Variants in MACF1 observed in about 807,000 individuals in gnomAD.
MACF1 encodes microtubule-actin cross-linking factor 1.
A neutral mutation model predicts 854.8 loss-of-function variants in MACF1; 193 were observed. The ratio of observed to expected loss-of-function variants is 0.23; its 90% CI spans 0.20 to 0.25. The LOEUF (loss-of-function observed/expected upper bound fraction) is 0.25, where lower values mean the gene tolerates loss of function less well. MACF1 is among the 10% of genes least tolerant of loss of function. MACF1 has a pLI of 1.00. For synonymous variants in MACF1, 3,185 were observed against 3,226.7 expected (o/e 0.99, Z 0.44); for missense variants, 7,722 against 8,929.1 (o/e 0.86, Z 5.45).
intron 84 of MACF1, among the ~76,000 whole-genome samples, chr1:39,449,145 C>G (rs1434501124): frequency 6.6e-6 from 1 of 152,160 alleles, no homozygotes; most frequent in Non-Finnish European, 1.5e-5. Context: ...GCAATTACTA[C>G]TGAATATGTA....
rs779023310 is a variant in MACF1, at chr1:39,430,828, A to G, written c.17257A>G (p.Asn5753Asp). The change falls in exon 66 of 101, where the codon AAC becomes GAC. Residue 5753 changes from asparagine to aspartate, a missense_variant. This residue lies in a region of MACF1 where 2,807 missense variants were observed against 3,235.8 expected (regional missense o/e 0.87). Coordinates refer to ENST00000564288, the MANE Select transcript of MACF1 (RefSeq NM_001394062.1). ...EGLDKLVSDA[N>D]EQYKLVSDTI... ...GCTGGATAAACTTGTGTCCGATGCT[A>G]ACGAGCAGTACAAACTAGTCAGTGA... 4.3e-6 allele frequency: 7 copies of G among 1,612,676 alleles called. No homozygotes were observed. The African/African-American group carries it at 6.7e-5, about 15-fold the overall frequency.
At chr1:39,154,123 A>G (rs1643636373) in intron 2 of MACF1, 1 of 152,202 alleles carries the variant, frequency 6.6e-6, no homozygotes, top group Non-Finnish European at 1.5e-5. Context: ...GTTTGTCTGA[A>G]GAGTGAGCAG....
chr1:39,300,171 C>T (rs1646010881), intron 21 of MACF1, 39 bp from the exon 22 acceptor site: 1 of 1,602,968 alleles, frequency 6.2e-7, no homozygotes, highest in Non-Finnish European at 8.5e-7. Flanking sequence ...CCCTGAGTAG[C>T]AGCATTAATG....
intron 2 of MACF1, among the ~76,000 whole-genome samples, chr1:39,130,157 C>G (rs986776390): frequency 1.5e-4 from 23 of 152,082 alleles, no homozygotes; most frequent in African/African-American, 5.3e-4. Flanking sequence ...GTTTATTTTT[C>G]CCCCCCATTC....
At chr1:39,452,482 T>C (rs1644358409) in intron 86 of MACF1, 132 bp downstream of exon 86, 1 of 1,114,642 alleles carries the variant, frequency 9.0e-7, no homozygotes, top group Admixed American at 2.4e-5. Context: ...TTCTGAATGT[T>C]CTATAAAATT....
intron 97 of MACF1, among the ~76,000 whole-genome samples, chr1:39,477,915 A>C (rs1394469689): frequency 3.3e-5 from 5 of 150,324 alleles, no homozygotes. Flanking sequence ...TTAAAATGTC[A>C]CTTCCTTCAA....
chr1:39,256,638 G>C (rs79010504), intron 5 of MACF1, among the ~76,000 whole-genome samples: 4,577 of 152,262 alleles, frequency 0.03, 103 homozygotes, highest in Middle Eastern at 0.082. Flanking sequence ...GACACTCCCA[G>C]TTTTAAAGTT....
intron 2 of MACF1, among the ~76,000 whole-genome samples, chr1:39,091,618 C>T (rs1641807873): frequency 6.6e-6 from 1 of 152,142 alleles, no homozygotes; most frequent in South Asian, 2.1e-4. Context: ...GCCTCAGCCT[C>T]TGGAGTAGCT....
intron 6 of MACF1, among the ~76,000 whole-genome samples, chr1:39,278,264 G>A (rs2148373222): frequency 6.6e-6 from 1 of 152,268 alleles, no homozygotes; most frequent in Non-Finnish European, 1.5e-5. Context: ...AGAGATTGAT[G>A]AAAGCCAAAT....
chr1:39,270,420 C>T (rs185735362), intron 6 of MACF1, among the ~76,000 whole-genome samples: 1 of 152,228 alleles, frequency 6.6e-6, no homozygotes, highest in African/African-American at 2.4e-5. Flanking sequence ...AGGGCTTTAA[C>T]ATGATTTTGT....
chr1:39,233,791 T>A (rs1371407785), intron 2 of MACF1, among the ~76,000 whole-genome samples: 3 of 89,302 alleles, frequency 3.4e-5, no homozygotes, highest in Non-Finnish European at 8.3e-5. Context: ...TTTTTTTTTT[T>A]TTTTTTATTT....
Position 39,361,642 on chromosome 1 carries a change from G to A in MACF1, c.12736G>A (p.Asp4246Asn), listed in dbSNP as rs1648192740. 1 of 1,614,070 alleles carries A rather than the reference G, an allele frequency of 6.2e-7. No homozygotes were observed. The highest frequency in any genetic ancestry group is 8.5e-7 in the Non-Finnish European group (1 of 1,180,048). The change falls in exon 49 of 101, where the codon GAT (aspartate) becomes AAT (asparagine). Residue 4246 changes from aspartate to asparagine, a missense_variant. By Grantham distance (23) the Asp-to-Asn change is conservative (BLOSUM62 1). This residue lies in a region of MACF1 where 2,807 missense variants were observed against 3,235.8 expected (regional missense o/e 0.87). Coordinates refer to ENST00000564288, the MANE Select transcript of MACF1 (RefSeq NM_001394062.1). ...SRMLASGNQP[D>N]QDITHFFQQI... ...GATGCTGGCCTCTGGAAATCAGCCA[G>A]ATCAAGATATTACACATTTCTTCCA...
At chr1:39,148,407 G>A (rs891846440) in intron 2 of MACF1, among the ~76,000 whole-genome samples, 4 of 152,090 alleles carry the variant, frequency 2.6e-5, no homozygotes, top group Non-Finnish European at 5.9e-5. Context: ...AAATATTCAT[G>A]TTTGTTGTAG....
At chr1:39,392,423 T>G (rs1221854767) in intron 58 of MACF1, among the ~76,000 whole-genome samples, 3 of 152,196 alleles carry the variant, frequency 2.0e-5, no homozygotes, top group African/African-American at 7.2e-5. Flanking sequence ...TTATAAAGTA[T>G]GACTCTGTTT....
chr1:39,444,750 C>G lies in MACF1; in HGVS notation c.19520C>G (p.Ser6507Cys), dbSNP rs680728. Residue 6507 changes from serine to cysteine, a missense_variant, in exon 80 of 101, where the codon TCT becomes TGT. By Grantham distance (112) the Ser-to-Cys change is moderately radical. Transcript: ENST00000564288. ...CTCATGCTTCTAAGCCGTGACGACT[C>G]TGGGTCTGGCTCCAAGACAGAACAG... The part of the protein sequence containing the change: ...GRLMLLSRDD[S>C]GSGSKTEQSV... The G allele has an allele frequency of 6.2e-7, 1 of 1,614,142 alleles. No homozygotes were observed. The highest frequency in any genetic ancestry group is 1.3e-5 in the African/African-American group (1 of 75,038).
intron 2 of MACF1, among the ~76,000 whole-genome samples, chr1:39,123,721 T>TTTG (rs1553139353): frequency 7.4e-6 from 1 of 134,972 alleles, no homozygotes. Context: ...TGTTTTGTTT[T>TTTG]TTTTTTTTTT....
At chr1:39,434,384 TC>T (rs769613205) in intron 68 of MACF1, 29 bp from the exon 69 acceptor site, 15 of 1,294,600 alleles carry the variant, frequency 1.2e-5, no homozygotes, top group Middle Eastern at 1.9e-4. Flanking sequence ...GTAATACTTA[TC>T]CTTTTTTTTT....
chr1:39,224,174 A>G (rs897529530), intron 1 of MACF1, among the ~76,000 whole-genome samples: 1 of 152,120 alleles, frequency 6.6e-6, no homozygotes, highest in Non-Finnish European at 1.5e-5. Flanking sequence ...AGCTATGGAC[A>G]TCCCCCTACT....
chr1:39,407,081 G>A (rs1009065521), intron 58 of MACF1, among the ~76,000 whole-genome samples: 2 of 152,220 alleles, frequency 1.3e-5, no homozygotes, highest in African/African-American at 4.8e-5. Flanking sequence ...AACTGCAGAA[G>A]ATTTGTAAAT....
Sources: gnomAD v4.1 joint callset for allele counts (sites outside exome capture counted in the v4.1 genomes callset) on GRCh38, gnomAD v4.1.1 for gene constraint, gnomAD v4.1.1 regional missense constraint, MANE v1.5 for transcripts, NCBI Gene and HGNC (gene_info 2026-07-23, HGNC 2026-07-21) for gene names.